Variants in CENPW observed in about 807,000 individuals in gnomAD.
CENPW encodes cancer-up-regulated gene 2 protein.
In CENPW, 3 loss-of-function variants were observed where a neutral mutation model predicts 11.1. The ratio of observed to expected loss-of-function variants is 0.27; its 90% CI spans 0.12 to 0.70. The LOEUF is 0.70. CENPW is among the 30% of genes least tolerant of loss of function. CENPW has a pLI of 0.77. For synonymous variants in CENPW, 38 were observed against 42.0 expected (o/e 0.91, Z 0.37); for missense variants, 100 against 105.6 (o/e 0.95, Z 0.23).
chr6:126,342,597 A>G (rs969268461), intron 1 of CENPW, among the ~76,000 whole-genome samples: 1 of 152,046 alleles, frequency 6.6e-6, no homozygotes, highest in African/African-American at 2.4e-5. Context: ...TCTTCACTCT[A>G]CTTGGCAACC....
At chr6:126,385,648 A>G in the CENPW span, among the ~76,000 whole-genome samples, 288 of 152,238 alleles carry the variant, frequency 1.9e-3, 1 homozygote, top group East Asian at 0.027. Context: ...TAATTGAATC[A>G]TGGGAGCCAT....
the CENPW span, among the ~76,000 whole-genome samples, chr6:126,475,868 T>C: frequency 6.6e-6 from 1 of 152,052 alleles, no homozygotes; most frequent in African/African-American, 2.4e-5. Context: ...TCTTTATACA[T>C]GGAATGCCAG....
chr6:126,452,189 A>C, the CENPW span, among the ~76,000 whole-genome samples: 1 of 151,208 alleles, frequency 6.6e-6, no homozygotes, highest in Non-Finnish European at 1.5e-5. Flanking sequence ...AGGACCTACT[A>C]TCTCATAGTG....
the CENPW span, among the ~76,000 whole-genome samples, chr6:126,377,288 C>T: frequency 6.6e-6 from 1 of 152,112 alleles, no homozygotes; most frequent in Non-Finnish European, 1.5e-5. Context: ...TAACTTTTCA[C>T]TACTTTACAT....
chr6:126,369,606 C>T, the CENPW span, among the ~76,000 whole-genome samples: 1 of 152,050 alleles, frequency 6.6e-6, no homozygotes, highest in Non-Finnish European at 1.5e-5. Flanking sequence ...TGTCCTTAGC[C>T]CACTTTTTGT....
At chr6:126,342,411 A>G (rs1007529675) in intron 1 of CENPW, among the ~76,000 whole-genome samples, 2 of 152,184 alleles carry the variant, frequency 1.3e-5, no homozygotes, top group East Asian at 1.9e-4. Flanking sequence ...CAGTTGAGCT[A>G]TTGGGACTCT....
the CENPW span, among the ~76,000 whole-genome samples, chr6:126,414,229 A>G: frequency 6.6e-6 from 1 of 152,104 alleles, no homozygotes; most frequent in East Asian, 1.9e-4. Flanking sequence ...ATACTTCAAC[A>G]TGCCACTCAC....
chr6:126,474,115 GTGTATATATA>G, the CENPW span, among the ~76,000 whole-genome samples: 1 of 150,764 alleles, frequency 6.6e-6, no homozygotes. Context: ...ATATATATGT[GTGTATATATA>G]TGTATATATA....
the CENPW span, among the ~76,000 whole-genome samples, chr6:126,436,323 A>T: frequency 6.6e-6 from 1 of 151,870 alleles, no homozygotes; most frequent in Non-Finnish European, 1.5e-5. Flanking sequence ...TCAGTCCACC[A>T]GAGTTATTTG....
At chr6:126,355,582 T>C in the CENPW span, among the ~76,000 whole-genome samples, 2 of 152,130 alleles carry the variant, frequency 1.3e-5, no homozygotes, top group Non-Finnish European at 2.9e-5. Context: ...TCCTGTGTTA[T>C]ACTGATATTT....
Position 126,340,180 on chromosome 6 carries a change from A to T in CENPW, c.-94A>T. The T allele has an allele frequency of 6.9e-6, 8 of 1,151,190 alleles. No individual in the cohort carries two copies. The highest frequency in any genetic ancestry group is 1.0e-5 in the Non-Finnish European group (8 of 784,152). The allele number at this position is 1,151,190 out of a possible 1,614,324, so 71.3% of individuals were successfully genotyped here. ...TTCTGCCTGAAGAAGCGTCATACGG[A>T]CCGGATTGTTTTCGCTGGCCCAGTG... On this transcript the variant is annotated 5_prime_UTR_variant, in exon 1 of 3. Coordinates refer to ENST00000368328, the MANE Select transcript of CENPW (RefSeq NM_001012507.4).
At position 126,340,239 on chromosome 6, in the gene CENPW, T is replaced by C; in HGVS notation, c.-35T>C. On this transcript the variant is annotated 5_prime_UTR_variant, in exon 1 of 3. Coordinates refer to ENST00000368328, the MANE Select transcript of CENPW (RefSeq NM_001012507.4). ...GCTTGTGTGCGATACAGAGAGCACC[T>C]CGGAAGCTGAGGCAGCTGGTACTTG... is the stretch of plus-strand genomic sequence containing the variant. 4 of 1,609,250 alleles carry C rather than the reference T, an allele frequency of 2.5e-6. No homozygotes were observed. The South Asian group carries it at 4.4e-5, about 18-fold the overall frequency.
downstream of CENPW, among the ~76,000 whole-genome samples, chr6:126,350,895 T>C (rs966639321): frequency 6.6e-6 from 1 of 151,956 alleles, no homozygotes; most frequent in Non-Finnish European, 1.5e-5. Context: ...AGAATGTAAA[T>C]TTGAAAAAAA....
At chr6:126,456,380 C>T in the CENPW span, among the ~76,000 whole-genome samples, 18 of 151,170 alleles carry the variant, frequency 1.2e-4, no homozygotes, top group East Asian at 3.3e-3. Flanking sequence ...AACAGAATAG[C>T]GTGCCCAGAA....
chr6:126,383,615 AG>A, the CENPW span, among the ~76,000 whole-genome samples: 9 of 152,102 alleles, frequency 5.9e-5, no homozygotes, highest in Admixed American at 2.0e-4. Context: ...AAAAAAAATC[AG>A]GGGTTGCAAT....
the CENPW span, among the ~76,000 whole-genome samples, chr6:126,416,485 C>G: frequency 3.9e-3 from 590 of 152,294 alleles, 10 homozygotes; most frequent in Non-Finnish European, 6.0e-3. Context: ...GGAAAAATGT[C>G]TCCAGGGCAT....
At chr6:126,440,673 G>T in the CENPW span, among the ~76,000 whole-genome samples, 814 of 151,484 alleles carry the variant, frequency 5.4e-3, 9 homozygotes, top group African/African-American at 0.018. Context: ...TTTCATAAAG[G>T]TCAGAATATA....
At chr6:126,434,903 A>C in the CENPW span, among the ~76,000 whole-genome samples, 1 of 152,024 alleles carries the variant, frequency 6.6e-6, no homozygotes, top group African/African-American at 2.4e-5. Context: ...CAAGTCATTC[A>C]ATATGAATTG....
the CENPW span, among the ~76,000 whole-genome samples, chr6:126,440,595 TAGATGTCTACAGA>T: frequency 6.6e-6 from 1 of 151,548 alleles, no homozygotes; most frequent in Non-Finnish European, 1.5e-5. Flanking sequence ...GAACATGTTA[TAGATGTCTACAGA>T]AGAAAAAAGG....
Sources: gnomAD v4.1 joint callset for allele counts (sites outside exome capture counted in the v4.1 genomes callset) on GRCh38, gnomAD v4.1.1 for gene constraint, MANE v1.5 for transcripts, NCBI Gene and HGNC (gene_info 2026-07-23, HGNC 2026-07-21) for gene names.